CEP85: variants seen among roughly 807,000 people sequenced by gnomAD.
CEP85 encodes centrosomal protein 85.
A neutral mutation model predicts 93.7 loss-of-function variants in CEP85; 58 were observed. The ratio of observed to expected loss-of-function variants is 0.62; its 90% CI spans 0.50 to 0.77. CEP85 has a LOEUF of 0.77. Ranked by LOEUF, CEP85 falls within the 30% of genes least tolerant of loss-of-function variation. The pLI is 0.00. For synonymous variants in CEP85, 314 were observed against 338.6 expected (o/e 0.93, Z 0.80); for missense variants, 868 against 922.0 (o/e 0.94, Z 0.76).
intron 3 of CEP85, among the ~76,000 whole-genome samples, chr1:26,254,232 T>A (rs529153489): frequency 6.6e-6 from 1 of 152,324 alleles, no homozygotes; most frequent in East Asian, 1.9e-4. Context: ...TTCAGTTTTC[T>A]GCCTGCTGAA....
chr1:26,236,476 A>G (rs1327968786), intron 1 of CEP85, among the ~76,000 whole-genome samples: 2 of 149,162 alleles, frequency 1.3e-5, no homozygotes, highest in Non-Finnish European at 3.0e-5. Context: ...TTGTACATTC[A>G]CTTCTCTCAT....
chr1:26,245,848 C>T (rs1243696801), intron 3 of CEP85, among the ~76,000 whole-genome samples: 1 of 152,122 alleles, frequency 6.6e-6, no homozygotes, highest in Non-Finnish European at 1.5e-5. Context: ...TTTAAAACAT[C>T]TACTCCACAG....
chr1:26,241,531 A>G (rs956290916), intron 2 of CEP85, among the ~76,000 whole-genome samples: 1 of 152,136 alleles, frequency 6.6e-6, no homozygotes, highest in African/African-American at 2.4e-5. Flanking sequence ...GGCGTGAGCC[A>G]CTGCACCCGG....
At chr1:26,236,310 C>T (rs527777900) in intron 1 of CEP85, among the ~76,000 whole-genome samples, 4 of 152,026 alleles carry the variant, frequency 2.6e-5, no homozygotes, top group African/African-American at 9.7e-5. Flanking sequence ...GTAGTAAGTG[C>T]AGAATGCATG....
At position 26,246,622 on chromosome 1, in the gene CEP85, G is replaced by A. The variant is rs1289043697; in HGVS notation, c.208+2304G>A. ...GGTGATGTATGCCTGTAATCTACTC[G>A]GGAGGCTGAGACAAGAGAATTGCTT... On this transcript the variant is annotated intron_variant, in intron 3 of 13. Transcript: ENST00000451429. 5.9e-5 allele frequency among the ~76,000 whole-genome samples: 9 copies of A among 151,952 alleles called. No homozygotes were observed. In the South Asian group the frequency reaches 6.2e-4, roughly 11 times the overall value.
chr1:26,254,492 G>C (rs553500630), intron 3 of CEP85: 1 of 152,108 alleles, frequency 6.6e-6, no homozygotes, highest in Admixed American at 6.5e-5. Context: ...ATAAAATAGA[G>C]GATTTCAGTG....
chr1:26,238,202 CTTTTTT>C (rs67466493), intron 1 of CEP85, among the ~76,000 whole-genome samples: 4 of 88,294 alleles, frequency 4.5e-5, no homozygotes, highest in Non-Finnish European at 6.4e-5. Context: ...GTCCCAAACT[CTTTTTT>C]TTTTTTTTTT....
intron 3 of CEP85, among the ~76,000 whole-genome samples, chr1:26,250,925 C>CCTTTTTTTTTTTTTTTTTTTTTTTTT (rs2089598435): frequency 1.8e-5 from 1 of 55,160 alleles, no homozygotes; most frequent in African/African-American, 5.9e-5. Context: ...TTTTTTTTTT[C>CCTTTTTTTTTTTTTTTTTTTTTTTTT]TTTTTTCTTT....
chr1:26,277,014 T>C, intron 13 of CEP85, 122 bp from the exon 14 acceptor site: 1 of 1,078,540 alleles, frequency 9.3e-7, no homozygotes, highest in African/African-American at 1.6e-5. Flanking sequence ...TGTCCCCAGA[T>C]GCTTTTTTTA....
chr1:26,243,131 T>C (rs1365712600), intron 2 of CEP85, among the ~76,000 whole-genome samples: 1,147 of 7,112 alleles, frequency 0.16, 10 homozygotes, highest in African/African-American at 0.38. Context: ...TGATTTTCTT[T>C]TTTTTTTTTT....
In CEP85 at chr1:26,268,605, A is replaced by G. The variant is rs537012743; in HGVS notation, c.1464A>G (p.Thr488=). 6.4e-5 allele frequency: 104 copies of G among 1,612,800 alleles called. 1 individual carries two copies. The East Asian group carries it at 2.2e-3, about 35-fold the overall frequency. Residue 488 remains threonine, a synonymous_variant, in exon 8 of 14, where the codon ACA becomes ACG. Transcript: ENST00000451429. ...AGCGCTACCTGGCTGACCTGCCCAC[A>G]CTGGAAGACCATCAGAAGCAGAGCC... The part of the protein sequence containing the change: ...TLERYLADLP[T]LEDHQKQSQQ...
Position 26,244,304 on chromosome 1 carries a change from C to T in CEP85, c.194C>T (p.Ser65Leu), listed in dbSNP as rs2089476436. 2 of 1,613,620 alleles carry T rather than the reference C, an allele frequency of 1.2e-6. No homozygotes were observed. The change falls in exon 3 of 14, where the codon TCA (serine) becomes TTA (leucine). Residue 65 changes from serine to leucine, a missense_variant. Transcript: ENST00000451429. ...GACACAGCCATTGGTACATCATGCT[C>T]AGATATTGCGGAGGGTAAGTTTGTA... is the stretch of plus-strand genomic sequence containing the variant. ...SGDTAIGTSC[S>L]DIAEDFCSSS...
At chr1:26,268,657 G>A (rs758902052) in intron 8 of CEP85, 22 bp downstream of exon 8, 3 of 1,580,542 alleles carry the variant, frequency 1.9e-6, no homozygotes, top group Non-Finnish European at 2.6e-6. Flanking sequence ...GTCTTGGCAT[G>A]CCTGGGGTGA....
chr1:26,243,133 T>C (rs1260291424), intron 2 of CEP85, among the ~76,000 whole-genome samples: 1 of 150,856 alleles, frequency 6.6e-6, no homozygotes, highest in East Asian at 1.9e-4. Context: ...ATTTTCTTTT[T>C]TTTTTTTTTT....
chr1:26,235,291 C>T (rs1472388554), intron 1 of CEP85, among the ~76,000 whole-genome samples: 1 of 152,158 alleles, frequency 6.6e-6, no homozygotes, highest in Non-Finnish European at 1.5e-5. Context: ...GCTAGCCAGG[C>T]CTCATTTATT....
At chr1:26,256,058 G>T (rs1057122845) in intron 4 of CEP85, among the ~76,000 whole-genome samples, 193 bp downstream of exon 4, 4 of 152,120 alleles carry the variant, frequency 2.6e-5, no homozygotes, top group South Asian at 2.1e-4. Context: ...ACCAGATAGG[G>T]TCTCCAAAAT....
chr1:26,275,017 G>C lies in CEP85; in HGVS notation c.1848G>C (p.Glu616Asp), dbSNP rs2090032910. 1.9e-6 allele frequency: 3 copies of C among 1,587,878 alleles called. No homozygotes were observed. Among genetic ancestry groups the C allele is most frequent in the East Asian group, 2.3e-5 (1 of 43,436 alleles). Residue 616 changes from glutamate (E) to aspartate (D), a missense_variant, in exon 12 of 14, where the codon GAG becomes GAC. By Grantham distance (45) the Glu-to-Asp change is conservative. Coordinates refer to ENST00000451429, the MANE Select transcript of CEP85 (RefSeq NM_001319944.2). ...QEEGTSQALR[E>D]EAQRRDSALQ... is the part of the protein sequence containing the mutation. ...AAGGAACAAGCCAGGCCCTGAGAGA[G>C]GAGGCCCAGCGAAGGGATTCAGCCC...
chr1:26,238,261 C>T (rs1421169243), intron 1 of CEP85, among the ~76,000 whole-genome samples: 2 of 122,842 alleles, frequency 1.6e-5, no homozygotes, highest in Non-Finnish European at 3.2e-5. Context: ...AGTGCAATGG[C>T]GCGATCTTGG....
At chr1:26,248,559 A>ATG (rs1193301454) in intron 3 of CEP85, among the ~76,000 whole-genome samples, 1 of 151,330 alleles carries the variant, frequency 6.6e-6, no homozygotes, top group African/African-American at 2.4e-5. Flanking sequence ...GCAGTGGCCC[A>ATG]ATCTCGGCTC....
Sources: gnomAD v4.1 joint callset for allele counts (sites outside exome capture counted in the v4.1 genomes callset) on GRCh38, gnomAD v4.1.1 for gene constraint, MANE v1.5 for transcripts, NCBI Gene and HGNC (gene_info 2026-07-23, HGNC 2026-07-21) for gene names.